Variants in MGAT4C observed in about 807,000 individuals in gnomAD.
MGAT4C encodes the protein MGAT4 family member C.
In MGAT4C, 19 loss-of-function variants were observed where a neutral mutation model predicts 40.1. The ratio of observed to expected loss-of-function variants is 0.47; its 90% confidence interval spans 0.33 to 0.70. MGAT4C has a LOEUF of 0.70. MGAT4C is among the 30% of genes least tolerant of loss of function. MGAT4C has a pLI of 0.02. For synonymous variants in MGAT4C, 181 were observed against 187.1 expected, an observed-to-expected ratio of 0.97 and a Z score of 0.27; for missense variants, 491 against 563.2, an observed-to-expected ratio of 0.87 and a Z score of 1.30.
chr12:86,238,817 G>A (rs1323805074), intron 1 of MGAT4C, among the ~76,000 whole-genome samples: 2 of 151,982 alleles, frequency 1.3e-5, no homozygotes, highest in East Asian at 3.8e-4. Flanking sequence ...TTTGAAGAAA[G>A]ATAAAGTATT....
intron 2 of MGAT4C, among the ~76,000 whole-genome samples, chr12:86,587,010 G>T (rs956373804): frequency 9.9e-5 from 15 of 152,098 alleles, no homozygotes; most frequent in African/African-American, 3.6e-4. Context: ...TGGTGTTTTA[G>T]TCATGAAGTC....
intron 1 of MGAT4C, among the ~76,000 whole-genome samples, chr12:86,204,127 G>A (rs945751228): frequency 6.6e-6 from 1 of 151,742 alleles, no homozygotes; most frequent in South Asian, 2.1e-4. Context: ...AACAGAGTCA[G>A]ATAAAGTGTT....
At chr12:86,300,866 C>A (rs989004905) in intron 4 of MGAT4C, among the ~76,000 whole-genome samples, 1 of 151,962 alleles carries the variant, frequency 6.6e-6, no homozygotes, top group African/African-American at 2.4e-5. Context: ...TAGATATGAT[C>A]CTCGATTAGG....
Position 86,489,459 on chromosome 12 carries a change from C to G in MGAT4C, c.-228-54194G>C, listed in dbSNP as rs111462451. On this transcript the variant is annotated intron_variant, in intron 2 of 7. Coordinates refer to the MGAT4C transcript ENST00000548651. ...AAGGCTGTCACACTAGCCCTTTCCTCTTGCTGCCAGAGGGCAGCTGCCCCA... is the reference window on the plus strand; with the variant it reads ...AAGGCTGTCACACTAGCCCTTTCCTGTTGCTGCCAGAGGGCAGCTGCCCCA... 3.3e-3 allele frequency among the ~76,000 whole-genome samples: 500 copies of G among 152,336 alleles called. 2 individuals are homozygous for G. Among genetic ancestry groups the G allele is most frequent in the African/African-American group, 0.012 (483 of 41,588 alleles).
intron 1 of MGAT4C, among the ~76,000 whole-genome samples, chr12:86,243,732 A>G (rs1334204433): frequency 6.6e-6 from 1 of 152,148 alleles, no homozygotes; most frequent in Non-Finnish European, 1.5e-5. Flanking sequence ...CCTGGGTCTG[A>G]AAACGAACCC....
upstream of MGAT4C, among the ~76,000 whole-genome samples, chr12:86,257,946 A>C (rs1270258789): frequency 6.6e-6 from 1 of 152,116 alleles, no homozygotes; most frequent in East Asian, 1.9e-4. Context: ...TAATAATAAT[A>C]AAGATATGGG....
At chr12:86,649,098 A>AT (rs1176186439) in intron 2 of MGAT4C, among the ~76,000 whole-genome samples, 3 of 151,782 alleles carry the variant, frequency 2.0e-5, no homozygotes, top group Non-Finnish European at 2.9e-5. Context: ...ACAATAGGTG[A>AT]TTTTTTCCAG....
chr12:86,053,651 C>A (rs560335114), intron 1 of MGAT4C, among the ~76,000 whole-genome samples: 3 of 151,842 alleles, frequency 2.0e-5, no homozygotes, highest in Admixed American at 6.6e-5. Context: ...AGATAGCCTG[C>A]AAAATGGCAG....
intron 1 of MGAT4C, among the ~76,000 whole-genome samples, chr12:86,803,531 AT>A (rs1393055577): frequency 6.6e-6 from 1 of 151,886 alleles, no homozygotes. Flanking sequence ...CAAAGGGCTA[AT>A]ATCCAGAATC....
chr12:86,465,862 A>G (rs773600097), intron 2 of MGAT4C, among the ~76,000 whole-genome samples: 5 of 152,116 alleles, frequency 3.3e-5, no homozygotes, highest in African/African-American at 7.2e-5. Flanking sequence ...ATATAATCCA[A>G]TAATCATGCT....
rs1876999367 is a variant in MGAT4C at position 86,110,254 on chromosome 12, A to AATATATATATAGACT, written c.-56-60546_-56-60532dup. Reference sequence around the variant, plus strand: ...TTCTACCTCTGTAAAACAATAAATGAATATATATATAGACTATATATATAG... The same window carrying AATATATATATAGACT: ...TTCTACCTCTGTAAAACAATAAATGAATATATATATAGACTATATATATATAGACTATATATATAG... On this transcript the variant is annotated intron_variant, in intron 1 of 4. Coordinates refer to ENST00000611864, the MANE Select transcript of MGAT4C (RefSeq NM_001351288.2). Among the ~76,000 whole-genome samples, 19 of 8,764 alleles carry AATATATATATAGACT rather than the reference A, an allele frequency of 2.2e-3. 6 individuals carry two copies. Among genetic ancestry groups the AATATATATATAGACT allele is most frequent in the Non-Finnish European group, 2.9e-3 (14 of 4,776 alleles). The allele number at this position is 8,764 out of a possible 152,430, so 5.7% of individuals were successfully genotyped here.
At chr12:86,526,124 G>A (rs1030633441) in intron 2 of MGAT4C, among the ~76,000 whole-genome samples, 2 of 152,152 alleles carry the variant, frequency 1.3e-5, no homozygotes, top group African/African-American at 2.4e-5. Context: ...GCACAGGGAC[G>A]GTGCTGTTGG....
At chr12:86,498,068 C>A in intron 2 of MGAT4C, among the ~76,000 whole-genome samples, 1 of 147,916 alleles carries the variant, frequency 6.8e-6, no homozygotes, top group East Asian at 2.0e-4. Context: ...TTTTATGTGC[C>A]ATTACTGTAG....
At chr12:86,723,870 T>C (rs1179619812) in intron 2 of MGAT4C, among the ~76,000 whole-genome samples, 4 of 152,226 alleles carry the variant, frequency 2.6e-5, no homozygotes, top group African/African-American at 9.6e-5. Context: ...CTGCCTTAAA[T>C]TTCATTGGTA....
intron 2 of MGAT4C, among the ~76,000 whole-genome samples, chr12:86,513,987 T>A (rs1243272997): frequency 1.3e-5 from 2 of 150,940 alleles, no homozygotes; most frequent in African/African-American, 4.9e-5. Context: ...AGAATTGTCA[T>A]CATCTGACAA....
intron 1 of MGAT4C, among the ~76,000 whole-genome samples, chr12:86,165,835 A>G (rs1453054531): frequency 3.9e-5 from 6 of 152,172 alleles, no homozygotes; most frequent in Non-Finnish European, 5.9e-5. Flanking sequence ...TAAAACGGGT[A>G]GCTTCATTTG....
At chr12:86,768,284 A>G (rs1176869763) in intron 1 of MGAT4C, among the ~76,000 whole-genome samples, 1 of 152,204 alleles carries the variant, frequency 6.6e-6, no homozygotes, top group Admixed American at 6.5e-5. Flanking sequence ...CACAGAGAAT[A>G]AAATACTTAG....
intron 2 of MGAT4C, among the ~76,000 whole-genome samples, chr12:86,593,495 A>G (rs1374640020): frequency 1.3e-5 from 2 of 152,058 alleles, no homozygotes; most frequent in African/African-American, 2.4e-5. Flanking sequence ...CTTTTTCAAT[A>G]TATGCATCTG....
intron 2 of MGAT4C, among the ~76,000 whole-genome samples, chr12:86,550,189 T>C (rs1006858989): frequency 6.6e-6 from 1 of 152,196 alleles, no homozygotes; most frequent in African/African-American, 2.4e-5. Context: ...GATCGTAAGT[T>C]TCCTGGGGCT....
Sources: gnomAD v4.1 joint callset for allele counts (sites outside exome capture counted in the v4.1 genomes callset) on GRCh38, gnomAD v4.1.1 for gene constraint, MANE v1.5 for transcripts, NCBI Gene and HGNC (gene_info 2026-07-23, HGNC 2026-07-21) for gene names.